The following AHI1 variants were observed in gnomAD, a reference collection of about 807,000 sequenced individuals.
The protein encoded by AHI1 is Abelson helper integration site 1.
In AHI1, 123 loss-of-function variants were observed where a neutral mutation model predicts 149.3. The ratio of observed to expected loss-of-function variants is 0.82; its 90% CI spans 0.71 to 0.96. AHI1 has a LOEUF of 0.96. AHI1 is among the 40% of genes least tolerant of loss of function. AHI1 has a pLI of 0.00. For synonymous variants in AHI1, 475 were observed against 459.8 expected, an observed-to-expected ratio of 1.03 and a Z score of -0.42; for missense variants, 1,439 against 1,422.7, an observed-to-expected ratio of 1.01 and a Z score of -0.18.
chr6:135,453,245 C>G (rs1186390168), intron 11 of AHI1, 96 bp downstream of exon 11: 1 of 933,268 alleles, frequency 1.1e-6, no homozygotes, highest in Non-Finnish European at 1.7e-6. Flanking sequence ...ACCTTAGATT[C>G]TAATTCCTTA....
At chr6:135,426,209 G>A (rs1783892942) in intron 20 of AHI1, among the ~76,000 whole-genome samples, 1 of 151,530 alleles carries the variant, frequency 6.6e-6, no homozygotes, top group Admixed American at 6.6e-5. Context: ...ATAGTAAATG[G>A]TACTGTGTTG....
intron 24 of AHI1, among the ~76,000 whole-genome samples, chr6:135,339,658 C>T (rs187177803): frequency 2.6e-5 from 4 of 152,014 alleles, no homozygotes; most frequent in African/African-American, 4.8e-5. Context: ...ATAGAATGAA[C>T]AAAAATGAAC....
At chr6:135,448,640 C>T (rs1291278148) in intron 11 of AHI1, among the ~76,000 whole-genome samples, 165 bp from the exon 12 acceptor site, 4 of 152,156 alleles carry the variant, frequency 2.6e-5, no homozygotes, top group African/African-American at 7.2e-5. Flanking sequence ...AGCACACTTC[C>T]AGATCATTTT....
At chr6:135,495,771 G>A (rs995258182) in intron 3 of AHI1, 43 bp downstream of exon 3, 2 of 152,250 alleles carry the variant, frequency 1.3e-5, no homozygotes, top group Non-Finnish European at 1.5e-5. Flanking sequence ...AAAGCAAAGC[G>A]AGTAAAAAAG....
chr6:135,314,821 C>T (rs536747846), intron 26 of AHI1, among the ~76,000 whole-genome samples: 46 of 152,240 alleles, frequency 3.0e-4, no homozygotes, highest in African/African-American at 1.1e-3. Context: ...CTTGGGTGCT[C>T]TGACACCTGG....
intron 5 of AHI1, among the ~76,000 whole-genome samples, chr6:135,480,281 A>C (rs375532596): frequency 3.4e-4 from 52 of 152,254 alleles, no homozygotes; most frequent in African/African-American, 1.2e-3. Context: ...ATACAGTGAG[A>C]CACTGTCTCT....
intron 28 of AHI1, among the ~76,000 whole-genome samples, chr6:135,286,009 G>T (rs1414786653): frequency 2.0e-5 from 3 of 152,170 alleles, no homozygotes; most frequent in African/African-American, 7.2e-5. Context: ...ATTCTTCATT[G>T]AATGGGAAAA....
At chr6:135,302,216 T>G (rs1209228923) in intron 26 of AHI1, 2 of 985,246 alleles carry the variant, frequency 2.0e-6, no homozygotes, top group Non-Finnish European at 2.4e-6. Flanking sequence ...ACCAGCAACT[T>G]ACCATCAATA....
intron 8 of AHI1, among the ~76,000 whole-genome samples, chr6:135,457,974 A>G (rs1442808889): frequency 2.0e-5 from 3 of 152,182 alleles, no homozygotes; most frequent in Non-Finnish European, 2.9e-5. Context: ...AAAAAAAGAG[A>G]GTCAAAGTCA....
chr6:135,438,587 T>C (rs1785772640), intron 14 of AHI1, 89 bp from the exon 15 acceptor site: 3 of 1,059,858 alleles, frequency 2.8e-6, no homozygotes, highest in Non-Finnish European at 3.7e-6. Flanking sequence ...TATTTAGACA[T>C]AAGCAGTCTA....
Position 135,448,427 on chromosome 6 carries a change from G to A in AHI1, c.1489C>T (p.Gln497Ter). The A allele has an allele frequency of 6.4e-7, 1 of 1,567,458 alleles. No homozygotes were observed. Among genetic ancestry groups the A allele is most frequent in the South Asian group, 1.2e-5 (1 of 83,918 alleles). Residue 497 changes from glutamine to a stop codon, truncating the protein, a stop_gained, in exon 12 of 29, where the codon CAG becomes TAG. Coordinates refer to ENST00000265602, the MANE Select transcript of AHI1 (RefSeq NM_001134831.2). LOFTEE classifies it high-confidence loss of function. ...NANINSKLRL[Q>*]LYYPPTKPRS... is the part of the protein sequence containing the mutation. ...GGCTTAGTAGGTGGGTAATATAGCTGCAAGCGAAGTTTTGAGTTGATGTTT... is the reference window on the plus strand; with the variant it reads ...GGCTTAGTAGGTGGGTAATATAGCTACAAGCGAAGTTTTGAGTTGATGTTT...
In AHI1 at chr6:135,466,252, G is replaced by A. The variant is rs1420063740; in HGVS notation, c.311C>T (p.Thr104Ile). The A allele has an allele frequency of 1.9e-6, 3 of 1,613,896 alleles. No homozygotes were observed. Among genetic ancestry groups the A allele is most frequent in the Non-Finnish European group, 2.5e-6 (3 of 1,179,850 alleles). ...ATTAGGATTTTCAGTTGCTAACTGTGTGTTCCTCAATTTGTTTTTAGTGAC... is the reference window on the plus strand; with the variant it reads ...ATTAGGATTTTCAGTTGCTAACTGTATGTTCCTCAATTTGTTTTTAGTGAC... ...TRVTKNKLRN[T>I]QLATENPNGD... The change falls in exon 7 of 29, where the codon ACA becomes ATA. Residue 104 changes from threonine to isoleucine, a missense_variant. Physicochemically the swap from Thr to Ile is moderately conservative, Grantham distance 89 (BLOSUM62 -1). Transcript: ENST00000265602.
At chr6:135,429,168 T>G (rs1784309913) in intron 18 of AHI1, among the ~76,000 whole-genome samples, 1 of 151,748 alleles carries the variant, frequency 6.6e-6, no homozygotes. Flanking sequence ...TGATGAATTT[T>G]TAAAATAATA....
chr6:135,290,847 T>G (rs917918368), intron 27 of AHI1, among the ~76,000 whole-genome samples: 3 of 151,714 alleles, frequency 2.0e-5, no homozygotes, highest in African/African-American at 4.9e-5. Context: ...TTCATCTGTC[T>G]CAGAAAAATA....
At chr6:135,397,938 ATC>A (rs1779454119) in intron 22 of AHI1, among the ~76,000 whole-genome samples, 1 of 151,978 alleles carries the variant, frequency 6.6e-6, no homozygotes, top group South Asian at 2.1e-4. Flanking sequence ...TCACAAATTC[ATC>A]TCTCTCCCAG....
At chr6:135,301,895 T>C (rs1783928158) in intron 26 of AHI1, 1 of 985,298 alleles carries the variant, frequency 1.0e-6, no homozygotes, top group African/African-American at 1.7e-5. Context: ...CATCAAAACC[T>C]CAGAAAGCAC....
chr6:135,365,146 T>C (rs1476927854), intron 23 of AHI1, among the ~76,000 whole-genome samples: 3 of 152,234 alleles, frequency 2.0e-5, no homozygotes, highest in Admixed American at 6.5e-5. Flanking sequence ...TGTGGGTTTA[T>C]TTCTGGGTTC....
At position 135,300,573 on chromosome 6, in the gene AHI1, G is replaced by A; in HGVS notation, c.3427-15C>T. ...TTGATTGATTGCTGTGGAAGAAGAG[G>A]AAAAACAAGTAGTAAGTAAAAAATG... On this transcript the variant is annotated splice_polypyrimidine_tract_variant and intron_variant, in intron 26 of 28. Coordinates refer to ENST00000265602, the MANE Select transcript of AHI1 (RefSeq NM_001134831.2). 6.3e-7 allele frequency: 1 copy of A among 1,597,274 alleles called. No individual in the cohort carries two copies. Among genetic ancestry groups the A allele is most frequent in the South Asian group, 1.1e-5 (1 of 87,986 alleles).
intron 23 of AHI1, among the ~76,000 whole-genome samples, chr6:135,392,674 C>G (rs1778678643): frequency 6.6e-6 from 1 of 152,200 alleles, no homozygotes; most frequent in African/African-American, 2.4e-5. Flanking sequence ...GTACAATCAA[C>G]ACTTAATTAT....
Sources: allele counts gnomAD v4.1 joint callset (sites outside exome capture counted in the v4.1 genomes callset), GRCh38; gene constraint gnomAD v4.1.1; transcripts MANE v1.5; gene names NCBI Gene and HGNC (gene_info 2026-07-23, HGNC 2026-07-21).